SFMBT1: variants seen among roughly 807,000 people sequenced by gnomAD.
SFMBT1 encodes the protein Scm like with four mbt domains 1, also known as scm-like with four MBT domains protein 1.
In SFMBT1, 32 loss-of-function variants were observed where a neutral mutation model predicts 108.7. The ratio of observed to expected loss-of-function variants is 0.29; its 90% confidence interval spans 0.22 to 0.40. SFMBT1 has a LOEUF of 0.40. Ranked by LOEUF, SFMBT1 falls within the 10% of genes least tolerant of loss-of-function variation. The pLI, the probability that SFMBT1 is intolerant of heterozygous loss-of-function variation, is 1.00. For missense variants in SFMBT1, 816 were observed against 1,059.6 expected (o/e 0.77, Z 3.19); for synonymous variants, 348 against 369.5 (o/e 0.94, Z 0.67).
chr3:53,023,627 C>A (rs184285794), intron 1 of SFMBT1, among the ~76,000 whole-genome samples: 1 of 152,206 alleles, frequency 6.6e-6, no homozygotes, highest in East Asian at 1.9e-4. Context: ...CCAAACCCCC[C>A]GTCAGCTGTG....
At chr3:53,012,341 G>A (rs1017295922) in intron 1 of SFMBT1, among the ~76,000 whole-genome samples, 3 of 152,100 alleles carry the variant, frequency 2.0e-5, no homozygotes, top group African/African-American at 7.2e-5. Context: ...AAGTCGCTGC[G>A]CAGCAAATGG....
intron 1 of SFMBT1, among the ~76,000 whole-genome samples, chr3:53,001,175 G>A (rs1476699910): frequency 2.0e-5 from 3 of 150,278 alleles, no homozygotes; most frequent in African/African-American, 7.3e-5. Flanking sequence ...TATCAACATG[G>A]GAGGGAAGGT....
In SFMBT1 at chr3:52,999,839, T is replaced by A. The variant is rs1047219306; in HGVS notation, c.-130-30581A>T. Among the ~76,000 whole-genome samples, 2 of 150,084 alleles carry A rather than the reference T, an allele frequency of 1.3e-5. 1 individual carries two copies. Among genetic ancestry groups the A allele is most frequent in the African/African-American group, 4.8e-5 (2 of 41,286 alleles). The stretch of plus-strand genomic sequence containing the variant: ...CCAAGCAAGGAGACCCCATGACCCA[T>A]GGCATGAAATCATCTTGAAGTTTTT... On this transcript the variant is annotated intron_variant, in intron 1 of 20. Transcript: ENST00000394752.
rs577026662 is a variant in SFMBT1 at position 52,912,212 on chromosome 3, C to T, written c.1730+326G>A. Among the ~76,000 whole-genome samples the T allele has an allele frequency of 1.6e-3, 240 of 151,622 alleles. 2 individuals are homozygous for T. The highest frequency in any genetic ancestry group is 2.6e-3 in the Non-Finnish European group (177 of 67,870). ...TGTTTTTTGTTTGAGACAGAATCTC[C>T]CTCTGTCACCCAGGCTACAATGTAG... is the stretch of plus-strand genomic sequence containing the variant. On this transcript the variant is annotated intron_variant, in intron 16 of 20. Coordinates refer to ENST00000394752, the MANE Select transcript of SFMBT1 (RefSeq NM_016329.4).
chr3:52,964,043 A>T (rs533583772), intron 2 of SFMBT1, among the ~76,000 whole-genome samples: 1 of 152,198 alleles, frequency 6.6e-6, no homozygotes, highest in Non-Finnish European at 1.5e-5. Flanking sequence ...TTTGAGATAG[A>T]GTTTCCCTAT....
rs148043344 is a variant in SFMBT1, at chr3:52,907,048, A to G, written c.2331+21T>C. 1.1e-4 allele frequency: 167 copies of G among 1,584,838 alleles called. 2 individuals are homozygous for G. In the East Asian group the frequency reaches 2.9e-3, roughly 28 times the overall value. On this transcript the variant is annotated intron_variant, in intron 19 of 20. Transcript: ENST00000394752. ...TTCCAGAGAGAAAGAAAGAAAAAAG[A>G]AACTATTTTTTAAATGGTACCTTTG... is the stretch of plus-strand genomic sequence containing the variant.
intron 3 of SFMBT1, 104 bp from the exon 4 acceptor site, chr3:52,943,697 A>C (rs1056425838): frequency 5.1e-5 from 72 of 1,423,266 alleles, no homozygotes; most frequent in South Asian, 2.3e-4. Flanking sequence ...ACTAAATGCA[A>C]TAACATCTCA....
chr3:52,943,624 CA>C, intron 3 of SFMBT1, 31 bp from the exon 4 acceptor site: 1 of 1,614,102 alleles, frequency 6.2e-7, no homozygotes, highest in Non-Finnish European at 8.5e-7. Flanking sequence ...AAGCACCAGA[CA>C]AGTATCTTAA....
chr3:53,004,795 C>T (rs1404897415), intron 1 of SFMBT1, among the ~76,000 whole-genome samples: 1 of 134,436 alleles, frequency 7.4e-6, no homozygotes, highest in Non-Finnish European at 1.8e-5. Context: ...TGATGCCAGC[C>T]AACACACACA....
At chr3:52,956,686 GGGAGGT>G (rs1473301235) in intron 2 of SFMBT1, among the ~76,000 whole-genome samples, 1 of 152,116 alleles carries the variant, frequency 6.6e-6, no homozygotes, top group Non-Finnish European at 1.5e-5. Context: ...ACTTGAACCG[GGGAGGT>G]GGAGGTTGCC....
rs565547994 is a variant in SFMBT1, at chr3:53,031,148, T to C, written c.-131+14668A>G. 3.8e-3 allele frequency among the ~76,000 whole-genome samples: 584 copies of C among 152,294 alleles called. 2 individuals carry two copies. Among genetic ancestry groups the C allele is most frequent in the Middle Eastern group, 6.8e-3 (2 of 294 alleles). On this transcript the variant is annotated intron_variant, in intron 1 of 20. Transcript: ENST00000394752. ...TACAGCCATCATCAGCAATCCCACA[T>C]TAAGTGCATTGATTCCATTAACAAC...
chr3:53,028,554 T>A (rs993082327), intron 1 of SFMBT1, among the ~76,000 whole-genome samples: 1 of 152,126 alleles, frequency 6.6e-6, no homozygotes, highest in African/African-American at 2.4e-5. Flanking sequence ...GTACCACTAG[T>A]CCCAGCTACT....
intron 1 of SFMBT1, among the ~76,000 whole-genome samples, chr3:52,972,837 A>C (rs1254628985): frequency 2.2e-5 from 2 of 91,286 alleles, no homozygotes. Context: ...CCCCATCTCT[A>C]CTAAACACAC....
chr3:53,033,349 C>T (rs894003992), intron 1 of SFMBT1, among the ~76,000 whole-genome samples: 13 of 151,904 alleles, frequency 8.6e-5, no homozygotes, highest in Non-Finnish European at 1.5e-4. Flanking sequence ...TTAGTAGAGA[C>T]GGGGTTTCAC....
At chr3:52,968,057 T>C (rs1704208518) in intron 2 of SFMBT1, among the ~76,000 whole-genome samples, 1 of 152,154 alleles carries the variant, frequency 6.6e-6, no homozygotes, top group Admixed American at 6.5e-5. Flanking sequence ...TGTACTACAA[T>C]AGATGAATGG....
chr3:52,907,282 A>G lies in SFMBT1; in HGVS notation c.2118T>C (p.Asp706=). The G allele has an allele frequency of 6.2e-7, 1 of 1,613,878 alleles. No individual in the cohort carries two copies. Among genetic ancestry groups the G allele is most frequent in the Non-Finnish European group, 8.5e-7 (1 of 1,180,032 alleles). ...GSGGEDEDDP[D]EGDDDSLSEG... ...CACTTAGGGAATCATCATCCCCTTC[A>G]TCTGGGTCATCCTCATCTTCACCCC... Residue 706 remains aspartate (D), a synonymous_variant, in exon 19 of 21, where the codon GAT becomes GAC. Transcript: ENST00000394752.
At chr3:52,938,911 G>A (rs1703102890) in intron 4 of SFMBT1, among the ~76,000 whole-genome samples, 1 of 152,092 alleles carries the variant, frequency 6.6e-6, no homozygotes, top group Non-Finnish European at 1.5e-5. Context: ...GGGCTCATGG[G>A]AACAATATTA....
At chr3:52,974,676 C>T (rs6782719) in intron 1 of SFMBT1, among the ~76,000 whole-genome samples, 1 of 151,902 alleles carries the variant, frequency 6.6e-6, no homozygotes, top group African/African-American at 2.4e-5. Context: ...CGAGAAAAAT[C>T]TTAGCCACTC....
chr3:53,001,393 A>G (rs990743268), intron 1 of SFMBT1, among the ~76,000 whole-genome samples: 1 of 149,682 alleles, frequency 6.7e-6, no homozygotes, highest in African/African-American at 2.4e-5. Context: ...ATCGTGTGTC[A>G]CTTTAGCTTG....
Sources: allele counts gnomAD v4.1 joint callset (sites outside exome capture counted in the v4.1 genomes callset), GRCh38; gene constraint gnomAD v4.1.1; transcripts MANE v1.5; gene names NCBI Gene and HGNC (gene_info 2026-07-23, HGNC 2026-07-21).